ELN: variants seen among roughly 807,000 people sequenced by gnomAD.
ELN encodes the protein tropoelastin.
Under a neutral mutation model 105.8 loss-of-function variants are expected in ELN, and 65 were observed. The ratio of observed to expected loss-of-function variants is 0.61; its 90% CI spans 0.50 to 0.75. The LOEUF (loss-of-function observed/expected upper bound fraction) is 0.75. Ranked by LOEUF, ELN falls within the 30% of genes least tolerant of loss-of-function variation. The pLI, the probability that ELN is intolerant of heterozygous loss-of-function variation, is 0.00. For synonymous variants in ELN, 368 were observed against 389.2 expected (o/e 0.95, Z 0.64); for missense variants, 882 against 969.4 (o/e 0.91, Z 1.20).
At chr7:74,062,014 A>G (rs1796796245) in intron 26 of ELN, among the ~76,000 whole-genome samples, 1 of 152,116 alleles carries the variant, frequency 6.6e-6, no homozygotes, top group Admixed American at 6.5e-5. Flanking sequence ...GACCGCTCCC[A>G]CCACGAGCCA....
At chr7:74,047,823 GC>G (rs1402500547) in intron 13 of ELN, 107 bp downstream of exon 13, 2 of 1,519,592 alleles carry the variant, frequency 1.3e-6, no homozygotes, top group Non-Finnish European at 1.8e-6. Flanking sequence ...CCTCGCTGGG[GC>G]AGGGTTGGGG....
intron 22 of ELN, among the ~76,000 whole-genome samples, chr7:74,058,473 G>A (rs763382035): frequency 9.2e-5 from 14 of 151,702 alleles, no homozygotes; most frequent in South Asian, 4.2e-4. Flanking sequence ...GCCTGCTTCC[G>A]CCCCCCAAGA....
At chr7:74,031,963 A>C (rs1261522820) in intron 1 of ELN, among the ~76,000 whole-genome samples, 1 of 152,000 alleles carries the variant, frequency 6.6e-6, no homozygotes, top group African/African-American at 2.4e-5. Flanking sequence ...CCCAGACTAC[A>C]GGCCCTGGCA....
intron 2 of ELN, 97 bp downstream of exon 2, chr7:74,035,511 G>T (rs782526038): frequency 3.5e-6 from 5 of 1,439,064 alleles, no homozygotes; most frequent in Non-Finnish European, 4.9e-6. Flanking sequence ...TAGGAACATT[G>T]ACACGCCTAC....
rs782679593 is a variant in ELN at position 74,060,522 on chromosome 7, C to T, written c.1747+21C>T. On this transcript the variant is annotated intron_variant, in intron 25 of 32. Coordinates refer to ENST00000252034, the MANE Select transcript of ELN (RefSeq NM_000501.4). ...GGCAGGTGCAGATGAGGGAGTTAGGCGGAGCCTGTCCCCTGAGCTCAGGGA... is the reference window on the plus strand; with the variant it reads ...GGCAGGTGCAGATGAGGGAGTTAGGTGGAGCCTGTCCCCTGAGCTCAGGGA... The T allele has an allele frequency of 5.4e-5, 87 of 1,614,076 alleles. 1 individual carries two copies. In the South Asian group the frequency reaches 6.8e-4, roughly 13 times the overall value.
At chr7:74,054,273 G>A (rs368317821) in intron 18 of ELN, among the ~76,000 whole-genome samples, 1 of 152,138 alleles carries the variant, frequency 6.6e-6, no homozygotes, top group African/African-American at 2.4e-5. Flanking sequence ...TTCGAGACCA[G>A]CCTGGCCAAT....
intron 32 of ELN, among the ~76,000 whole-genome samples, chr7:74,067,277 T>C (rs1554689812): frequency 6.6e-6 from 1 of 151,110 alleles, no homozygotes. Context: ...TAGTCTTCTT[T>C]TTTTTTTTGA....
chr7:74,051,275 C>G (rs1009186545), intron 15 of ELN, among the ~76,000 whole-genome samples: 1 of 152,196 alleles, frequency 6.6e-6, no homozygotes, highest in Admixed American at 6.5e-5. Context: ...CCGCAGGCCC[C>G]CCTCCCAGCA....
intron 26 of ELN, 95 bp downstream of exon 26, chr7:74,061,234 C>T (rs1271957585): frequency 1.1e-5 from 17 of 1,537,384 alleles, no homozygotes; most frequent in Middle Eastern, 1.7e-4. Context: ...AAGGCAGTTT[C>T]GGCCGGGCGT....
chr7:74,066,499 G>A (rs1233671337), intron 31 of ELN, among the ~76,000 whole-genome samples: 4 of 152,080 alleles, frequency 2.6e-5, no homozygotes, highest in South Asian at 4.1e-4. Context: ...CCTGGGAAGC[G>A]GAGGTTGCAG....
At chr7:74,065,579 A>C (rs1554688480) in intron 29 of ELN, 115 bp from the exon 30 acceptor site, 1 of 1,282,000 alleles carries the variant, frequency 7.8e-7, no homozygotes, top group Non-Finnish European at 1.1e-6. Context: ...GCGCCACTGC[A>C]CTCCAGCCCA....
In ELN at chr7:74,065,969, A is replaced by G; in HGVS notation, c.2058A>G (p.Leu686=). The G allele has an allele frequency of 6.2e-7, 1 of 1,613,986 alleles. No individual in the cohort carries two copies. Among genetic ancestry groups the G allele is most frequent in the Non-Finnish European group, 8.5e-7 (1 of 1,179,936 alleles). Residue 686 remains leucine (L), a synonymous_variant, in exon 31 of 33, where the codon CTA becomes CTG. Transcript: ENST00000252034. ...KYGAAGLGGV[L]GGAGQFPLGG... Reference sequence around the variant, plus strand: ...GTGCTGCTGGCCTTGGAGGTGTCCTAGGGGGTGCCGGGCAGTTCCCACTTG... The same window carrying G: ...GTGCTGCTGGCCTTGGAGGTGTCCTGGGGGGTGCCGGGCAGTTCCCACTTG...
At chr7:74,049,068 T>TC (rs375721080) in intron 15 of ELN, among the ~76,000 whole-genome samples, 1 of 132,984 alleles carries the variant, frequency 7.5e-6, no homozygotes, top group African/African-American at 2.9e-5. Context: ...TCCATCCATC[T>TC]ATCCATCCAT....
At chr7:74,045,195 T>C (rs1554671288) in intron 9 of ELN, 27 bp from the exon 10 acceptor site, 1 of 1,613,534 alleles carries the variant, frequency 6.2e-7, no homozygotes, top group Non-Finnish European at 8.5e-7. Flanking sequence ...CCTGCCTTCC[T>C]ACACTCACTG....
chr7:74,063,812 T>C lies in ELN; in HGVS notation c.1993+117T>C. ...ACCCCTGGCACGTCTTTGCTCAAGA[T>C]GTCCTCTTGGCCAGGTGCGGTGGCT... is the stretch of plus-strand genomic sequence containing the variant. On this transcript the variant is annotated intron_variant, in intron 29 of 32. Transcript: ENST00000252034. This position sits in a 1 kb window ranked among gnomAD's most constrained non-coding sequence, Gnocchi z 4.1. 1 of 1,429,960 alleles carries C rather than the reference T, an allele frequency of 7.0e-7. No individual in the cohort carries two copies. The highest frequency in any genetic ancestry group is 1.2e-5 in the South Asian group (1 of 84,842). 88.6% of individuals were successfully genotyped at this position (1,429,960 alleles called of 1,614,324 possible). A position where few individuals can be genotyped will look rare whatever the true frequency, so the allele number is the denominator to read the frequency against.
chr7:74,041,968 G>A (rs1554668749), intron 5 of ELN, among the ~76,000 whole-genome samples: 1 of 151,636 alleles, frequency 6.6e-6, no homozygotes, highest in African/African-American at 2.4e-5. Flanking sequence ...TCGAACTCCT[G>A]GCCTCAAGTG....
Position 74,034,290 on chromosome 7 carries a change from G to GCCTCTACC in ELN, c.83-1072_83-1065dup, listed in dbSNP as rs200789164. The stretch of plus-strand genomic sequence containing the variant: ...CCAGCCTGCCCTTCCCAAAGCTCTG[G>GCCTCTACC]CCTCTACCCGGCAGCTCAGCTCGGG... On this transcript the variant is annotated intron_variant, in intron 1 of 32. Transcript: ENST00000252034. Among the ~76,000 whole-genome samples the GCCTCTACC allele has an allele frequency of 4.3e-3, 648 of 152,160 alleles. 4 individuals are homozygous for GCCTCTACC. The highest frequency in any genetic ancestry group is 0.015 in the African/African-American group (612 of 41,494).
At position 74,056,356 on chromosome 7, in the gene ELN, A is replaced by C; in HGVS notation, c.1236A>C (p.Gly412=). 1.2e-5 allele frequency: 20 copies of C among 1,613,360 alleles called. No homozygotes were observed. The highest frequency in any genetic ancestry group is 1.7e-5 in the Non-Finnish European group (20 of 1,179,572). Residue 412 remains glycine (G), a synonymous_variant, in exon 20 of 33, where the codon GGA becomes GGC. Transcript: ENST00000252034. ...GGFPGFGVGV[G]GIPGVAGVPG... Reference sequence around the variant, plus strand: ...TTCCCGGCTTTGGTGTCGGAGTCGGAGGTATCCCTGGAGTCGCAGGTGTCC... The same window carrying C: ...TTCCCGGCTTTGGTGTCGGAGTCGGCGGTATCCCTGGAGTCGCAGGTGTCC...
intron 5 of ELN, 141 bp downstream of exon 5, chr7:74,041,392 C>T (rs1234716507): frequency 9.7e-7 from 1 of 1,034,852 alleles, no homozygotes; most frequent in Admixed American, 1.9e-5. Context: ...GATGCTGATA[C>T]CAACTGCCCC....
Sources: allele counts gnomAD v4.1 joint callset (sites outside exome capture counted in the v4.1 genomes callset), GRCh38; gene constraint gnomAD v4.1.1; non-coding constraint Gnocchi (gnomAD v3.1); transcripts MANE v1.5; gene names NCBI Gene and HGNC (gene_info 2026-07-23, HGNC 2026-07-21).